Variants in ANK3 observed in about 807,000 individuals in gnomAD.
ANK3 encodes the protein ankyrin-3.
In ANK3, 57 loss-of-function variants were observed where a neutral mutation model predicts 370.9. That is an observed-to-expected ratio of 0.15 (90% CI 0.12 to 0.19). The LOEUF is 0.19. Among genes scored for constraint, ANK3 ranks in the 10% least tolerant of loss-of-function variants. The pLI is 1.00. For synonymous variants in ANK3, 1,929 were observed against 1,946.3 expected (o/e 0.99, Z 0.23); for missense variants, 4,439 against 5,302.1 (o/e 0.84, Z 5.06).
At chr10:60,323,415 T>C (rs919647493) in intron 1 of ANK3, among the ~76,000 whole-genome samples, 1 of 152,124 alleles carries the variant, frequency 6.6e-6, no homozygotes, top group Non-Finnish European at 1.5e-5. Flanking sequence ...TATAAATATT[T>C]ACAACTGGAA....
chr10:60,270,553 A>G (rs925095143), intron 4 of ANK3, among the ~76,000 whole-genome samples: 22 of 152,218 alleles, frequency 1.4e-4, no homozygotes, highest in Non-Finnish European at 3.2e-4. Flanking sequence ...TCAACCACTT[A>G]TTGAGAGTCT....
chr10:60,726,079 C>T (rs1164527207), intron 1 of ANK3, among the ~76,000 whole-genome samples: 2 of 152,114 alleles, frequency 1.3e-5, no homozygotes, highest in African/African-American at 4.8e-5. Context: ...ATTACTTCAA[C>T]GATGATAGCT....
At chr10:60,333,043 G>C (rs2051778985) in intron 1 of ANK3, among the ~76,000 whole-genome samples, 2 of 152,016 alleles carry the variant, frequency 1.3e-5, no homozygotes, top group Admixed American at 6.6e-5. Context: ...CAATTTTATA[G>C]GTTATTTAAA....
chr10:60,400,588 A>C (rs986183584), intron 2 of ANK3, among the ~76,000 whole-genome samples: 4 of 152,158 alleles, frequency 2.6e-5, no homozygotes, highest in African/African-American at 9.7e-5. Context: ...ATTACAATAA[A>C]AACTTTATTT....
chr10:60,633,201 C>T (rs1313038373), intron 1 of ANK3, among the ~76,000 whole-genome samples: 1 of 152,098 alleles, frequency 6.6e-6, no homozygotes, highest in Non-Finnish European at 1.5e-5. Flanking sequence ...ACAATGCAGT[C>T]ATCACAATAC....
chr10:60,290,466 G>T (rs186223679), intron 1 of ANK3, among the ~76,000 whole-genome samples: 1 of 151,818 alleles, frequency 6.6e-6, no homozygotes, highest in East Asian at 1.9e-4. Context: ...CCATAAATCA[G>T]CCAGAAGAGG....
chr10:60,158,910 A>G (rs1333313161), intron 23 of ANK3, among the ~76,000 whole-genome samples: 1 of 152,028 alleles, frequency 6.6e-6, no homozygotes. Context: ...TCCTGGCCTC[A>G]AGTGATCCAC....
chr10:60,657,955 A>G (rs1168905550), intron 1 of ANK3, among the ~76,000 whole-genome samples: 2 of 150,506 alleles, frequency 1.3e-5, no homozygotes, highest in Non-Finnish European at 3.0e-5. Flanking sequence ...CTGTTTCATT[A>G]TTATATGCTG....
intron 1 of ANK3, among the ~76,000 whole-genome samples, chr10:60,648,588 G>A (rs1588969991): frequency 6.7e-6 from 1 of 149,930 alleles, no homozygotes; most frequent in Non-Finnish European, 1.5e-5. Context: ...GGCCAACATA[G>A]TGAAATCCTT....
chr10:60,662,588 C>T (rs1041703293), intron 1 of ANK3, among the ~76,000 whole-genome samples: 1 of 152,128 alleles, frequency 6.6e-6, no homozygotes, highest in Non-Finnish European at 1.5e-5. Context: ...TAATCTGAAT[C>T]ATTTATTAAA....
chr10:60,708,981 C>A (rs2079660009), intron 1 of ANK3, among the ~76,000 whole-genome samples: 1 of 152,160 alleles, frequency 6.6e-6, no homozygotes, highest in Non-Finnish European at 1.5e-5. Context: ...TAAACACAAC[C>A]TGATTTCTAG....
chr10:60,303,676 A>G (rs749053263), intron 1 of ANK3, among the ~76,000 whole-genome samples: 56 of 152,328 alleles, frequency 3.7e-4, no homozygotes, highest in Non-Finnish European at 5.3e-4. Flanking sequence ...GGAAAACAGT[A>G]TGGGAGTTCA....
chr10:60,363,358 C>T (rs1300673149), intron 1 of ANK3, among the ~76,000 whole-genome samples: 1 of 152,154 alleles, frequency 6.6e-6, no homozygotes, highest in Non-Finnish European at 1.5e-5. Context: ...CTTTGTTTAC[C>T]TCACTGTTAG....
chr10:60,397,714 T>G (rs1015364763), intron 2 of ANK3, among the ~76,000 whole-genome samples: 1 of 152,212 alleles, frequency 6.6e-6, no homozygotes, highest in Admixed American at 6.5e-5. Context: ...ATGTTATATG[T>G]TCCACAACTT....
chr10:60,405,638 T>C (rs990283225), intron 2 of ANK3, among the ~76,000 whole-genome samples: 2 of 152,198 alleles, frequency 1.3e-5, no homozygotes, highest in African/African-American at 4.8e-5. Context: ...CCATTGTATG[T>C]AAATTTTACC....
rs1407662332 is a variant in ANK3, at chr10:60,027,117, G to A, written c.*2729C>T. On this transcript the variant is annotated 3_prime_UTR_variant, in exon 44 of 44. Transcript: ENST00000280772. ...CACATATACCTAAAGTCAAATTTTT[G>A]GGCATATAAACACAACTATTTAATA... The A allele has an allele frequency of 2.0e-5, 3 of 151,794 alleles. No individual in the cohort carries two copies. The highest frequency in any genetic ancestry group is 4.4e-5 in the Non-Finnish European group (3 of 67,982). 9.4% of individuals were successfully genotyped at this position (151,794 alleles called of 1,614,324 possible).
At chr10:60,321,144 A>C (rs1371546604) in intron 1 of ANK3, among the ~76,000 whole-genome samples, 2 of 152,152 alleles carry the variant, frequency 1.3e-5, no homozygotes, top group East Asian at 1.9e-4. Flanking sequence ...TAATCCCAGC[A>C]ATTTGGGAGT....
chr10:60,073,051 C>T lies in ANK3; in HGVS notation c.7830G>A (p.Glu2610=), dbSNP rs761590730. The change falls in exon 37 of 44, where the codon GAG becomes GAA. Residue 2610 remains glutamate, a synonymous_variant. Transcript: ENST00000280772. ...TGCCATTTTTAGGGCGTGCCTTTTT[C>T]TCTGGGGACTGCAGTTCATCATTTA... ...EKLNDELQSP[E]KKARPKNGKE... is the part of the protein sequence containing the mutation. The T allele has an allele frequency of 1.1e-5, 17 of 1,614,002 alleles. No homozygotes were observed. Among genetic ancestry groups the T allele is most frequent in the Non-Finnish European group, 1.4e-5 (17 of 1,180,024 alleles).
intron 4 of ANK3, among the ~76,000 whole-genome samples, chr10:60,276,412 A>G (rs1233714862): frequency 6.6e-6 from 1 of 152,194 alleles, no homozygotes; most frequent in African/African-American, 2.4e-5. Context: ...ACCAGGAATT[A>G]TCATTGAAAC....
Sources: allele counts gnomAD v4.1 joint callset (sites outside exome capture counted in the v4.1 genomes callset), GRCh38; gene constraint gnomAD v4.1.1; transcripts MANE v1.5; gene names NCBI Gene and HGNC (gene_info 2026-07-23, HGNC 2026-07-21).